The following UBE2V1 variants were observed in gnomAD, a reference collection of about 807,000 sequenced individuals.
UBE2V1 encodes the protein ubiquitin conjugating enzyme E2 V1.
A neutral mutation model predicts 19.6 loss-of-function variants in UBE2V1; 15 were observed. The ratio of observed to expected loss-of-function variants is 0.77; its 90% CI spans 0.51 to 1.18. The LOEUF (loss-of-function observed/expected upper bound fraction) is 1.18, where lower values mean the gene tolerates loss of function less well. Among genes scored for constraint, UBE2V1 ranks in the 50% most tolerant of loss-of-function variants. The pLI is 0.00. For missense variants in UBE2V1, 125 were observed against 184.8 expected (o/e 0.68, Z 1.88); for synonymous variants, 60 against 60.7 (o/e 0.99, Z 0.05).
upstream of UBE2V1, among the ~76,000 whole-genome samples, chr20:50,113,933 C>T (rs2080930871): frequency 6.6e-6 from 1 of 152,106 alleles, no homozygotes; most frequent in African/African-American, 2.4e-5. Context: ...TAGTCGTAGA[C>T]AGCAAGTAAA....
intron 2 of UBE2V1, 70 bp downstream of exon 2, chr20:50,096,602 C>T: frequency 6.2e-7 from 1 of 1,607,352 alleles, no homozygotes; most frequent in Non-Finnish European, 8.5e-7. Context: ...CGTGATAAGG[C>T]TAATATTTTT....
At chr20:50,086,599 A>G (rs1367454880) in intron 2 of UBE2V1, among the ~76,000 whole-genome samples, 2 of 152,210 alleles carry the variant, frequency 1.3e-5, no homozygotes, top group African/African-American at 4.8e-5. Context: ...GTGTTGACTG[A>G]ATAGATCCTG....
chr20:50,100,818 A>G (rs1043154857), intron 1 of UBE2V1, among the ~76,000 whole-genome samples: 10 of 152,240 alleles, frequency 6.6e-5, no homozygotes, highest in African/African-American at 2.4e-5. Flanking sequence ...GAACTTCTCT[A>G]TGGCTGAAAG....
chr20:50,103,019 C>A (rs996464140), intron 1 of UBE2V1, among the ~76,000 whole-genome samples: 6 of 152,198 alleles, frequency 3.9e-5, no homozygotes, highest in African/African-American at 1.4e-4. Flanking sequence ...ATTCCCTTAT[C>A]TTGCCTTATT....
chr20:50,104,485 G>A (rs1225877402), intron 1 of UBE2V1: 23 of 363,866 alleles, frequency 6.3e-5, no homozygotes, highest in South Asian at 1.1e-4. Flanking sequence ...GTGAAACCCC[G>A]TCTCTACTAA....
At chr20:50,105,475 G>T (rs1358233004) in intron 1 of UBE2V1, among the ~76,000 whole-genome samples, 1 of 152,182 alleles carries the variant, frequency 6.6e-6, no homozygotes, top group Non-Finnish European at 1.5e-5. Flanking sequence ...ATATGCCAAA[G>T]AACAGAAGCA....
chr20:50,082,611 T>A lies in UBE2V1; in HGVS notation c.*157A>T. The A allele has an allele frequency of 7.6e-7, 1 of 1,321,932 alleles. No homozygotes were observed. The highest frequency in any genetic ancestry group is 1.0e-6 in the Non-Finnish European group (1 of 996,790). 81.9% of individuals were successfully genotyped at this position (1,321,932 alleles called of 1,614,324 possible). On this transcript the variant is annotated 3_prime_UTR_variant, in exon 4 of 4. Coordinates refer to ENST00000371674, the MANE Select transcript of UBE2V1 (RefSeq NM_001032288.3). ...CAAATGGACAAAAAATTAGTATCATTTACAGTATCTTAAGATAAATTTCCT... is the reference window on the plus strand; with the variant it reads ...CAAATGGACAAAAAATTAGTATCATATACAGTATCTTAAGATAAATTTCCT...
chr20:50,113,813 CCAAACAAA>C (rs11469632), upstream of UBE2V1, among the ~76,000 whole-genome samples: 1 of 150,716 alleles, frequency 6.6e-6, no homozygotes, highest in Non-Finnish European at 1.5e-5. Flanking sequence ...ATTCATTCAA[CCAAACAAA>C]CAAACATTAA....
chr20:50,101,361 C>A (rs761766542), intron 1 of UBE2V1, among the ~76,000 whole-genome samples: 4 of 151,750 alleles, frequency 2.6e-5, no homozygotes, highest in Non-Finnish European at 5.9e-5. Context: ...AGTTCTCAAA[C>A]CTTTTGCTCT....
chr20:50,085,305 G>A lies in UBE2V1; in HGVS notation c.172-1051C>T, dbSNP rs1481097276. On this transcript the variant is annotated intron_variant, in intron 2 of 3. Transcript: ENST00000371674. ...CCATCTACCCCATAAGCAGGGAGAT[G>A]CGCTCTGTTGCCCGGCTGTTCCTTC... Among the ~76,000 whole-genome samples, 7 of 152,106 alleles carry A rather than the reference G, an allele frequency of 4.6e-5. No homozygotes were observed. In the South Asian group the frequency reaches 1.0e-3, roughly 23 times the overall value.
rs549975232 is a variant in UBE2V1, at chr20:50,091,209, G to A, written c.171+5463C>T. Among the ~76,000 whole-genome samples, 108 of 152,042 alleles carry A rather than the reference G, an allele frequency of 7.1e-4. 1 individual carries two copies. The highest frequency in any genetic ancestry group is 3.4e-3 in the Middle Eastern group (1 of 294). ...CTACAGGCGTGCATCACTACGCCCA[G>A]CTAATTTTTGTATTTTTAGTAGAGA... On this transcript the variant is annotated intron_variant, in intron 2 of 3. Transcript: ENST00000371674.
At chr20:50,094,552 A>C (rs2079511187) in intron 2 of UBE2V1, among the ~76,000 whole-genome samples, 1 of 152,122 alleles carries the variant, frequency 6.6e-6, no homozygotes, top group Admixed American at 6.5e-5. Flanking sequence ...CATAAGAAGA[A>C]TAAAAGTATT....
chr20:50,106,100 T>C (rs951716569), intron 1 of UBE2V1, among the ~76,000 whole-genome samples: 6 of 151,780 alleles, frequency 4.0e-5, no homozygotes, highest in African/African-American at 4.8e-5. Context: ...AAGTGAATTA[T>C]GAAAATGCTA....
At chr20:50,115,407 A>G, upstream of UBE2V1, 1 of 1,397,230 alleles carries the variant, frequency 7.2e-7, no homozygotes, top group Non-Finnish European at 9.4e-7. Context: ...GAGCACAGAA[A>G]ATACTTGCCC....
chr20:50,098,517 G>A (rs984346244), intron 1 of UBE2V1, among the ~76,000 whole-genome samples: 2 of 152,170 alleles, frequency 1.3e-5, no homozygotes, highest in Non-Finnish European at 2.9e-5. Flanking sequence ...GAGGAGTGGC[G>A]TAATTCTAGG....
intron 2 of UBE2V1, 21 bp downstream of exon 2, chr20:50,096,651 T>C (rs372825531): frequency 6.2e-6 from 10 of 1,612,088 alleles, no homozygotes; most frequent in African/African-American, 2.7e-5. Flanking sequence ...TTGACATTTA[T>C]AGCCGTAGCT....
chr20:50,105,662 T>C (rs1353270235), intron 1 of UBE2V1, among the ~76,000 whole-genome samples: 4 of 152,176 alleles, frequency 2.6e-5, no homozygotes, highest in Non-Finnish European at 1.5e-5. Context: ...AAATGGACTC[T>C]TACAGGCCAG....
chr20:50,111,574 A>C, intron 1 of UBE2V1: 1 of 1,000,224 alleles, frequency 1.0e-6, no homozygotes, highest in Non-Finnish European at 1.2e-6. Context: ...TGAAACCAAA[A>C]TCGAGTAAAA....
At chr20:50,094,143 TTA>T (rs928852253) in intron 2 of UBE2V1, among the ~76,000 whole-genome samples, 2 of 131,046 alleles carry the variant, frequency 1.5e-5, no homozygotes, top group African/African-American at 5.8e-5. Flanking sequence ...ATTATATATC[TTA>T]TATATAATTA....
Sources: allele counts gnomAD v4.1 joint callset (sites outside exome capture counted in the v4.1 genomes callset), GRCh38; gene constraint gnomAD v4.1.1; transcripts MANE v1.5; gene names NCBI Gene and HGNC (gene_info 2026-07-23, HGNC 2026-07-21).